MPDZ: variants seen among roughly 807,000 people sequenced by gnomAD.
The protein encoded by MPDZ is multiple PDZ domain protein.
In MPDZ, 234 loss-of-function variants were observed where a neutral mutation model predicts 239.1. The ratio of observed to expected loss-of-function variants is 0.98; its 90% CI spans 0.88 to 1.09. The LOEUF (loss-of-function observed/expected upper bound fraction) is 1.09, where lower values mean the gene tolerates loss of function less well. Among genes scored for constraint, MPDZ ranks in the 50% least tolerant of loss-of-function variants. MPDZ has a pLI of 0.00. For synonymous variants in MPDZ, 1,048 were observed against 881.3 expected, an observed-to-expected ratio of 1.19 and a Z score of -3.35; for missense variants, 3,175 against 2,510.0, an observed-to-expected ratio of 1.26 and a Z score of -5.66.
intron 3 of MPDZ, among the ~76,000 whole-genome samples, chr9:13,230,671 T>C (rs897372991): frequency 7.2e-5 from 11 of 152,068 alleles, no homozygotes; most frequent in African/African-American, 2.7e-4. Flanking sequence ...GAGATATTTG[T>C]GGTGATAAAA....
chr9:13,110,054 C>T lies in MPDZ; in HGVS notation c.5840G>A (p.Gly1947Glu). 1.2e-6 allele frequency: 2 copies of T among 1,612,478 alleles called. No individual in the cohort carries two copies. Among genetic ancestry groups the T allele is most frequent in the South Asian group, 1.1e-5 (1 of 90,768 alleles). ...ACCTGTGACCACACTCACGTCTCCTCCAGCAACCACCTGCGCACAGGAGGA... is the reference window on the plus strand; with the variant it reads ...ACCTGTGACCACACTCACGTCTCCTTCAGCAACCACCTGCGCACAGGAGGA... Reference protein sequence around the residue: ...SGSIEMQVVAGGDVSVVTGHQ... With the variant: ...SGSIEMQVVAEGDVSVVTGHQ... The change falls in exon 45 of 47, where the codon GGA (glycine) becomes GAA (glutamate). Residue 1947 changes from glycine (G) to glutamate (E), a missense_variant. Gly to Glu is a moderately conservative substitution (Grantham distance 98, BLOSUM62 -2). Coordinates refer to ENST00000319217, the MANE Select transcript of MPDZ (RefSeq NM_001378778.1).
intron 1 of MPDZ, among the ~76,000 whole-genome samples, chr9:13,263,972 T>C (rs1971261260): frequency 6.6e-6 from 1 of 152,154 alleles, no homozygotes; most frequent in African/African-American, 2.4e-5. Flanking sequence ...CATACACAGA[T>C]CAAAATCACT....
At chr9:13,141,309 GAA>G (rs1947638503) in intron 27 of MPDZ, among the ~76,000 whole-genome samples, 1 of 152,074 alleles carries the variant, frequency 6.6e-6, no homozygotes, top group South Asian at 2.1e-4. Flanking sequence ...TACAAGAAAT[GAA>G]AGTTTTTGTT....
chr9:13,154,488 G>A (rs1275723303), intron 24 of MPDZ, among the ~76,000 whole-genome samples: 1 of 152,134 alleles, frequency 6.6e-6, no homozygotes, highest in Admixed American at 6.6e-5. Flanking sequence ...TAATGATTAT[G>A]TGACACAGGG....
chr9:13,194,361 C>A (rs1247579285), intron 13 of MPDZ, among the ~76,000 whole-genome samples: 1 of 151,888 alleles, frequency 6.6e-6, no homozygotes, highest in Non-Finnish European at 1.5e-5. Flanking sequence ...GAATACTACA[C>A]AGCCATAAAA....
At chr9:13,116,219 C>A (rs1157403048) in intron 39 of MPDZ, among the ~76,000 whole-genome samples, 2 of 152,130 alleles carry the variant, frequency 1.3e-5, no homozygotes, top group Middle Eastern at 3.2e-3. Context: ...TGAAGTAGCA[C>A]AAGAAGGTGT....
chr9:13,109,726 G>A (rs964890680), intron 45 of MPDZ, among the ~76,000 whole-genome samples: 6 of 152,156 alleles, frequency 3.9e-5, no homozygotes, highest in Non-Finnish European at 5.9e-5. Context: ...GTAGTAGCAC[G>A]CATATCTATC....
At position 13,255,136 on chromosome 9, in the gene MPDZ, T is replaced by A. The variant is rs73408253; in HGVS notation, c.-57-4764A>T. Among the ~76,000 whole-genome samples the A allele has an allele frequency of 9.5e-3, 1,440 of 152,316 alleles. 18 individuals carry two copies. Among genetic ancestry groups the A allele is most frequent in the African/African-American group, 0.033 (1,387 of 41,574 alleles). ...ACATCTTCACCAGGCATACATTTCA[T>A]CTCAAGAAACCACTTTCTTTACTCA... is the stretch of plus-strand genomic sequence containing the variant. On this transcript the variant is annotated intron_variant, in intron 1 of 46. Coordinates refer to ENST00000319217, the MANE Select transcript of MPDZ (RefSeq NM_001378778.1).
In MPDZ at chr9:13,118,829, T is replaced by C. The variant is rs78291092; in HGVS notation, c.5379+673A>G. ...TCAGAAAATGATCCTTCATGGTGAG[T>C]TTGCTTTGGAGGAAACCAATTTTAT... On this transcript the variant is annotated intron_variant, in intron 39 of 46. Transcript: ENST00000319217. Among the ~76,000 whole-genome samples the C allele has an allele frequency of 9.6e-3, 1,466 of 152,248 alleles. 61 individuals are homozygous for C. The East Asian group carries it at 0.13, about 14-fold the overall frequency.
At chr9:13,152,949 G>A (rs1949376477) in intron 24 of MPDZ, among the ~76,000 whole-genome samples, 1 of 152,146 alleles carries the variant, frequency 6.6e-6, no homozygotes, top group African/African-American at 2.4e-5. Flanking sequence ...TCAGAGTTCA[G>A]GGTGTTGGAG....
At position 13,205,989 on chromosome 9, in the gene MPDZ, T is replaced by C. The variant is rs1197125669; in HGVS notation, c.1401A>G (p.Glu467=). 1.2e-6 allele frequency: 2 copies of C among 1,612,604 alleles called. No individual in the cohort carries two copies. Among genetic ancestry groups the C allele is most frequent in the African/African-American group, 1.3e-5 (1 of 74,952 alleles). The part of the protein sequence containing the change: ...LTLMRRGMKQ[E]AELMSREDVT... ...CGTCTTCCCTTGACATGAGCTCGGCTTCCTGCTTCATTCCTCTCCTCATTA... is the reference window on the plus strand; with the variant it reads ...CGTCTTCCCTTGACATGAGCTCGGCCTCCTGCTTCATTCCTCTCCTCATTA... The change falls in exon 11 of 47, where the codon GAA becomes GAG. Residue 467 remains glutamate (E), a synonymous_variant. Transcript: ENST00000319217.
chr9:13,138,181 T>C (rs1329623732), intron 28 of MPDZ, 28 bp from the exon 29 acceptor site: 1 of 1,509,124 alleles, frequency 6.6e-7, no homozygotes, highest in South Asian at 1.4e-5. Flanking sequence ...AACAAATACA[T>C]ATTTACAGTT....
chr9:13,110,456 T>C (rs1012135258), intron 44 of MPDZ, among the ~76,000 whole-genome samples, 180 bp downstream of exon 44: 2 of 152,186 alleles, frequency 1.3e-5, no homozygotes, highest in Non-Finnish European at 2.9e-5. Flanking sequence ...CAGAGTAAAA[T>C]GTTACAAAAT....
At position 13,105,926 on chromosome 9, in the gene MPDZ, C is replaced by T. The variant is rs2130888296; in HGVS notation, c.*1039G>A. ...AACAGCTCCATCTGTTTCCCTTAGT[C>T]TTAAACTATTGTATTATAAGATGTT... On this transcript the variant is annotated 3_prime_UTR_variant, in exon 47 of 47. Coordinates refer to ENST00000319217, the MANE Select transcript of MPDZ (RefSeq NM_001378778.1). The T allele has an allele frequency of 6.6e-6, 1 of 152,212 alleles. No homozygotes were observed. Among genetic ancestry groups the T allele is most frequent in the Non-Finnish European group, 1.5e-5 (1 of 68,012 alleles). 9.4% of individuals were successfully genotyped at this position (152,212 alleles called of 1,614,324 possible).
At chr9:13,119,791 C>T (rs1944055728) in intron 38 of MPDZ, 142 bp from the exon 39 acceptor site, 8 of 822,770 alleles carry the variant, frequency 9.7e-6, no homozygotes, top group Non-Finnish European at 1.6e-5. Context: ...AACACTGGGG[C>T]AACATTAGAA....
At chr9:13,223,377 T>C (rs1354803015) in intron 5 of MPDZ, among the ~76,000 whole-genome samples, 194 bp downstream of exon 5, 2 of 152,088 alleles carry the variant, frequency 1.3e-5, no homozygotes, top group African/African-American at 4.8e-5. Flanking sequence ...TATGACTATA[T>C]CTAAAAGCTA....
intron 3 of MPDZ, among the ~76,000 whole-genome samples, chr9:13,242,902 C>A (rs990788850): frequency 1.3e-5 from 2 of 152,138 alleles, no homozygotes; most frequent in African/African-American, 4.8e-5. Context: ...TAGCAGCTCC[C>A]GTATCTTCCA....
chr9:13,147,469 A>T (rs1191450624), intron 26 of MPDZ, 79 bp downstream of exon 26: 2 of 1,046,998 alleles, frequency 1.9e-6, no homozygotes, highest in East Asian at 2.4e-5. Context: ...ACTCATACAG[A>T]CAACTTGGCC....
chr9:13,157,988 G>A (rs1950026899), intron 24 of MPDZ, 30 bp downstream of exon 24: 1 of 1,568,126 alleles, frequency 6.4e-7, no homozygotes, highest in Non-Finnish European at 8.8e-7. Context: ...TATATCCATT[G>A]GGTGGACAGA....
Sources: allele counts gnomAD v4.1 joint callset (sites outside exome capture counted in the v4.1 genomes callset), GRCh38; gene constraint gnomAD v4.1.1; transcripts MANE v1.5; gene names NCBI Gene and HGNC (gene_info 2026-07-23, HGNC 2026-07-21).